The following DIAPH2 variants were observed in gnomAD, a reference collection of about 807,000 sequenced individuals.
DIAPH2 encodes diaphanous related formin 2.
DIAPH2 carries 35 observed loss-of-function variants against 92.7 expected under a neutral mutation model. That is an observed-to-expected ratio of 0.38 (90% CI 0.29 to 0.50). The LOEUF is 0.50. Among genes scored for constraint, DIAPH2 ranks in the 20% least tolerant of loss-of-function variants. DIAPH2 has a pLI of 0.94. For synonymous variants in DIAPH2, 301 were observed against 280.4 expected (o/e 1.07, Z -0.73); for missense variants, 701 against 819.5 (o/e 0.86, Z 1.77).
At chrX:96,856,229 C>A (rs765703129) in intron 4 of DIAPH2, among the ~76,000 whole-genome samples, 53 of 110,996 alleles carry the variant, frequency 4.8e-4, no homozygotes, top group Non-Finnish European at 9.1e-4. Context: ...ACCTGTTGAC[C>A]CCAATAACTC....
intron 17 of DIAPH2, among the ~76,000 whole-genome samples, chrX:97,072,409 A>T (rs953868439): frequency 8.9e-6 from 1 of 112,761 alleles, no homozygotes; most frequent in Non-Finnish European, 1.9e-5. Context: ...AATTACATGT[A>T]TGCAAATGGT....
chrX:97,247,470 A>G (rs978760951), intron 22 of DIAPH2, among the ~76,000 whole-genome samples: 2 of 111,499 alleles, frequency 1.8e-5, no homozygotes, highest in South Asian at 7.5e-4. Context: ...ATTTGAACTA[A>G]TGGCTGAGTA....
intron 4 of DIAPH2, among the ~76,000 whole-genome samples, chrX:96,866,380 A>G (rs2065104730): frequency 8.9e-6 from 1 of 111,816 alleles, no homozygotes; most frequent in East Asian, 2.8e-4. Context: ...AAGATTTCTT[A>G]TTTTTCCCAA....
chrX:96,743,117 G>T (rs1474493939), intron 3 of DIAPH2, among the ~76,000 whole-genome samples: 3 of 112,074 alleles, frequency 2.7e-5, no homozygotes, highest in Non-Finnish European at 5.6e-5. Flanking sequence ...GGATTTGCTT[G>T]TTGGATTCAT....
intron 4 of DIAPH2, among the ~76,000 whole-genome samples, chrX:96,872,164 A>G (rs777089275): frequency 1.2e-3 from 131 of 111,606 alleles, no homozygotes; most frequent in Non-Finnish European, 1.9e-3. Flanking sequence ...ATTGTTGACT[A>G]TAGTCACCCT....
rs185337079 is a variant in DIAPH2, at chrX:97,096,513, C to T, written c.2248-3181C>T. 1.3e-4 allele frequency among the ~76,000 whole-genome samples: 14 copies of T among 111,365 alleles called. No homozygotes were observed. In the East Asian group the frequency reaches 3.7e-3, roughly 30 times the overall value. ...ATTAATTTTGCCAGCTTCCATGTGG[C>T]AACTGTGGGTTCTTGTTTTGATCCT... On this transcript the variant is annotated intron_variant, in intron 19 of 26. Coordinates refer to ENST00000324765, the MANE Select transcript of DIAPH2 (RefSeq NM_006729.5).
chrX:96,979,503 A>C (rs983139341), intron 17 of DIAPH2, among the ~76,000 whole-genome samples: 7 of 112,367 alleles, frequency 6.2e-5, no homozygotes, highest in Non-Finnish European at 1.3e-4. Context: ...CTTCTCCCTG[A>C]ACACAGTTTA....
At chrX:96,967,399 C>T (rs750042601) in intron 17 of DIAPH2, among the ~76,000 whole-genome samples, 37 of 87,474 alleles carry the variant, frequency 4.2e-4, no homozygotes, top group African/African-American at 7.8e-4. Context: ...TTTATTTATT[C>T]ATTCATTCAT....
At chrX:97,432,572 T>C (rs2070138338) in intron 26 of DIAPH2, among the ~76,000 whole-genome samples, 1 of 111,834 alleles carries the variant, frequency 8.9e-6, no homozygotes, top group Admixed American at 9.5e-5. Context: ...CTGCAGCCTC[T>C]ACCTCCCAGG....
intron 22 of DIAPH2, among the ~76,000 whole-genome samples, chrX:97,198,446 G>A (rs1210221418): frequency 1.8e-5 from 2 of 110,531 alleles, no homozygotes; most frequent in South Asian, 3.8e-4. Context: ...GAAAACTTAC[G>A]AAGTGGATGA....
chrX:97,533,400 G>A (rs751900400), intron 26 of DIAPH2: 14 of 111,331 alleles, frequency 1.3e-4, no homozygotes, highest in African/African-American at 4.2e-4. Flanking sequence ...CTCCTTTAAT[G>A]TGGAACAGTT....
At chrX:96,895,272 G>A (rs537047367) in intron 5 of DIAPH2, among the ~76,000 whole-genome samples, 16 of 111,415 alleles carry the variant, frequency 1.4e-4, no homozygotes, top group Middle Eastern at 4.7e-3. Context: ...CCCAAAATAC[G>A]GGGACTACAA....
chrX:97,348,270 C>G lies in DIAPH2; in HGVS notation c.2999C>G (p.Thr1000Ser). 1 of 1,201,601 alleles carries G rather than the reference C, an allele frequency of 8.3e-7. No individual in the cohort carries two copies. Among genetic ancestry groups the G allele is most frequent in the Non-Finnish European group, 1.1e-6 (1 of 891,640 alleles). Residue 1000 changes from threonine to serine, a missense_variant, in exon 24 of 27, where the codon ACT (threonine) becomes AGT (serine). Physicochemically the swap from Thr to Ser is moderately conservative, Grantham distance 58. Coordinates refer to ENST00000324765, the MANE Select transcript of DIAPH2 (RefSeq NM_006729.5). Reference sequence around the variant, plus strand: ...TTTGGTGATCTCAACAACTTCCGAACTTTGTTTTTGGTAAGTAATACATCT... The same window carrying G: ...TTTGGTGATCTCAACAACTTCCGAAGTTTGTTTTTGGTAAGTAATACATCT... ...EFFGDLNNFR[T>S]LFLEAVRENN...
chrX:97,270,921 C>T (rs2068381159), intron 23 of DIAPH2, among the ~76,000 whole-genome samples: 1 of 110,455 alleles, frequency 9.1e-6, no homozygotes, highest in Non-Finnish European at 1.9e-5. Flanking sequence ...TATGGGGTGC[C>T]TATTGTGTGC....
intron 10 of DIAPH2, among the ~76,000 whole-genome samples, chrX:96,935,957 C>T (rs757711117): frequency 1.8e-5 from 2 of 111,507 alleles, no homozygotes; most frequent in Admixed American, 9.5e-5. Flanking sequence ...GTTTGTCTGG[C>T]TTATGTAATT....
intron 26 of DIAPH2, among the ~76,000 whole-genome samples, chrX:97,584,002 G>T (rs749760966): frequency 8.9e-6 from 1 of 112,293 alleles, no homozygotes; most frequent in Non-Finnish European, 1.9e-5. Context: ...TGGGCTTCCC[G>T]AGTGAGGCAA....
chrX:97,423,779 TTC>T (rs1346264306), intron 25 of DIAPH2, among the ~76,000 whole-genome samples: 4 of 112,128 alleles, frequency 3.6e-5, no homozygotes, highest in Non-Finnish European at 1.9e-5. Context: ...TTGATATTCT[TTC>T]ACTCAGTTAA....
intron 4 of DIAPH2, chrX:96,763,203 G>A (rs1486174580): frequency 1.4e-6 from 1 of 704,455 alleles, no homozygotes. Context: ...TATTTTATAT[G>A]TTTGGTTCTT....
In DIAPH2 at chrX:97,185,460, T is replaced by TACAC. The variant is rs2067588803; in HGVS notation, c.2719+43667_2719+43668insCACA. Among the ~76,000 whole-genome samples, 5 of 47,726 alleles carry TACAC rather than the reference T, an allele frequency of 1.0e-4. 1 individual carries two copies. The highest frequency in any genetic ancestry group is 2.5e-3 in the South Asian group (2 of 792). 41.4% of individuals were successfully genotyped at this position (47,726 alleles called of 115,157 possible). On this transcript the variant is annotated intron_variant, in intron 22 of 26. Coordinates refer to ENST00000324765, the MANE Select transcript of DIAPH2 (RefSeq NM_006729.5). The stretch of plus-strand genomic sequence containing the variant: ...GTGTATATATATATGTGTGTGTATA[T>TACAC]ATATATATATACACATATATATATA...
Sources: allele counts gnomAD v4.1 joint callset (sites outside exome capture counted in the v4.1 genomes callset), GRCh38; gene constraint gnomAD v4.1.1; transcripts MANE v1.5; gene names NCBI Gene and HGNC (gene_info 2026-07-23, HGNC 2026-07-21).